The following SCCPDH variants were observed in gnomAD, a reference collection of about 807,000 sequenced individuals.
The protein encoded by SCCPDH is saccharopine dehydrogenase-like oxidoreductase.
Under a neutral mutation model 51.5 loss-of-function variants are expected in SCCPDH, and 34 were observed. The observed-to-expected ratio is 0.66, with a 90% CI of 0.50 to 0.88. The LOEUF (loss-of-function observed/expected upper bound fraction) is 0.88. SCCPDH is among the 40% of genes least tolerant of loss of function. The pLI, the probability that SCCPDH is intolerant of heterozygous loss-of-function variation, is 0.00. For missense variants in SCCPDH, 464 were observed against 527.1 expected, an observed-to-expected ratio of 0.88 and a Z score of 1.17; for synonymous variants, 187 against 191.3, an observed-to-expected ratio of 0.98 and a Z score of 0.19.
At chr1:246,760,291 A>G in intron 9 of SCCPDH, 64 bp downstream of exon 9, 1 of 1,330,470 alleles carries the variant, frequency 7.5e-7, no homozygotes, top group South Asian at 1.3e-5. Flanking sequence ...GGTATCATCT[A>G]ACACTTGACA....
At chr1:246,744,510 G>A (rs1668729739) in intron 5 of SCCPDH, among the ~76,000 whole-genome samples, 1 of 151,912 alleles carries the variant, frequency 6.6e-6, no homozygotes, top group Non-Finnish European at 1.5e-5. Context: ...TAGTAGAGAC[G>A]GGGTTTCTCC....
intron 3 of SCCPDH, among the ~76,000 whole-genome samples, chr1:246,739,336 T>A (rs1668644995): frequency 6.6e-6 from 1 of 152,120 alleles, no homozygotes; most frequent in Non-Finnish European, 1.5e-5. Context: ...CTCATAATAA[T>A]AATGAGAAAA....
chr1:246,752,402 G>GCTAT (rs992058048), intron 5 of SCCPDH, among the ~76,000 whole-genome samples: 1 of 152,132 alleles, frequency 6.6e-6, no homozygotes, highest in African/African-American at 2.4e-5. Context: ...AGTCTGTTTG[G>GCTAT]CTATCTGATT....
chr1:246,740,635 A>G (rs1668661940), intron 4 of SCCPDH, among the ~76,000 whole-genome samples: 1 of 152,214 alleles, frequency 6.6e-6, no homozygotes, highest in Non-Finnish European at 1.5e-5. Context: ...TAATTTGTAT[A>G]TTATAGTTAA....
intron 5 of SCCPDH, among the ~76,000 whole-genome samples, chr1:246,744,409 C>T (rs545831341): frequency 9.8e-4 from 149 of 152,220 alleles, no homozygotes; most frequent in Non-Finnish European, 1.8e-3. Flanking sequence ...ACCTCTGCCT[C>T]GTGGGTTCAA....
At chr1:246,746,987 C>T (rs1668770302) in intron 5 of SCCPDH, among the ~76,000 whole-genome samples, 1 of 152,244 alleles carries the variant, frequency 6.6e-6, no homozygotes. Flanking sequence ...ATGAGAAAAG[C>T]ATGCTTGGGA....
intron 3 of SCCPDH, among the ~76,000 whole-genome samples, chr1:246,737,736 T>C (rs111471055): frequency 0.019 from 2,815 of 151,966 alleles, 87 homozygotes; most frequent in African/African-American, 0.064. Context: ...GGGGTACAGG[T>C]GCACACCACC....
intron 3 of SCCPDH, among the ~76,000 whole-genome samples, chr1:246,737,281 G>C (rs1402106960): frequency 6.7e-6 from 1 of 149,386 alleles, no homozygotes; most frequent in East Asian, 2.0e-4. Context: ...TGTTACCCCA[G>C]CACTTTGGGA....
Position 246,735,959 on chromosome 1 carries a change from CTTTT to C in SCCPDH, c.304-14_304-11del, listed in dbSNP as rs1453408159. The C allele has an allele frequency of 6.4e-7, 1 of 1,558,108 alleles. No homozygotes were observed. The highest frequency in any genetic ancestry group is 1.7e-5 in the Admixed American group (1 of 57,718). ...GTCAAGCAAGAATAACCTCTTTGTTCTTTTTGTTTCCCTAGTATCGGTTTTATGG... is the reference window on the plus strand; with the variant it reads ...GTCAAGCAAGAATAACCTCTTTGTTCTGTTTCCCTAGTATCGGTTTTATGG... On this transcript the variant is annotated splice_polypyrimidine_tract_variant and intron_variant, in intron 2 of 11. Transcript: ENST00000366510.
intron 2 of SCCPDH, among the ~76,000 whole-genome samples, chr1:246,733,011 T>A (rs1447942738): frequency 6.6e-6 from 1 of 152,224 alleles, no homozygotes; most frequent in Non-Finnish European, 1.5e-5. Context: ...TCTCAGAGTC[T>A]TCCCTCTTTT....
At chr1:246,760,654 T>A (rs1204905669) in intron 9 of SCCPDH, among the ~76,000 whole-genome samples, 1 of 152,166 alleles carries the variant, frequency 6.6e-6, no homozygotes, top group African/African-American at 2.4e-5. Context: ...ATCAAGTGAA[T>A]TTCTGTGTGT....
Position 246,764,946 on chromosome 1 carries a change from GAGAC to G in SCCPDH, c.1102+596_1102+599del, listed in dbSNP as rs1397813385. On this transcript the variant is annotated intron_variant, in intron 10 of 11. Transcript: ENST00000366510. ...GTGAACTGTGGTATAATTACTGTCA[GAGAC>G]AGACAGGTCCACTTGTGAACTGTAG... Among the ~76,000 whole-genome samples, 14 of 151,350 alleles carry G rather than the reference GAGAC, an allele frequency of 9.3e-5. No homozygotes were observed. In the South Asian group the frequency reaches 2.5e-3, roughly 27 times the overall value.
intron 7 of SCCPDH, 78 bp downstream of exon 7, chr1:246,759,229 T>G: frequency 1.2e-6 from 1 of 834,636 alleles, no homozygotes; most frequent in Non-Finnish European, 2.0e-6. Flanking sequence ...TATTTTTGTT[T>G]ATAAGGCAGA....
intron 5 of SCCPDH, among the ~76,000 whole-genome samples, chr1:246,752,015 C>T (rs1355347739): frequency 6.6e-6 from 1 of 151,060 alleles, no homozygotes; most frequent in Non-Finnish European, 1.5e-5. Flanking sequence ...CTCCTGACCT[C>T]ATGCTTCACC....
At chr1:246,752,486 G>C (rs1010145837) in intron 5 of SCCPDH, among the ~76,000 whole-genome samples, 2 of 152,136 alleles carry the variant, frequency 1.3e-5, no homozygotes, top group African/African-American at 4.8e-5. Flanking sequence ...AGTGTTATAG[G>C]GAGACATACA....
chr1:246,741,268 TCTTG>T (rs1668672528), intron 4 of SCCPDH, among the ~76,000 whole-genome samples: 1 of 152,018 alleles, frequency 6.6e-6, no homozygotes, highest in Non-Finnish European at 1.5e-5. Context: ...AAACTACAAA[TCTTG>T]CTTATGAAAT....
chr1:246,736,649 C>T (rs913844623), intron 3 of SCCPDH, among the ~76,000 whole-genome samples: 1 of 151,562 alleles, frequency 6.6e-6, no homozygotes, highest in African/African-American at 2.4e-5. Flanking sequence ...TGCAGTGAGC[C>T]GAGATCACTC....
chr1:246,727,142 C>G, intron 2 of SCCPDH, 138 bp downstream of exon 2: 1 of 665,982 alleles, frequency 1.5e-6, no homozygotes, highest in Non-Finnish European at 2.6e-6. Flanking sequence ...TTTCTTCTTG[C>G]GAGGAGCAGC....
intron 5 of SCCPDH, among the ~76,000 whole-genome samples, chr1:246,753,679 C>T (rs541375774): frequency 2.6e-5 from 4 of 152,136 alleles, no homozygotes; most frequent in African/African-American, 9.6e-5. Context: ...AGGGTGTTCA[C>T]GTTCCAAGAC....
Sources: gnomAD v4.1 joint callset for allele counts (sites outside exome capture counted in the v4.1 genomes callset) on GRCh38, gnomAD v4.1.1 for gene constraint, MANE v1.5 for transcripts, NCBI Gene and HGNC (gene_info 2026-07-23, HGNC 2026-07-21) for gene names.